TASOR2: variants seen among roughly 807,000 people sequenced by gnomAD.
TASOR2 encodes transcription activation suppressor family member 2, also known as protein TASOR 2.
In TASOR2, 84 loss-of-function variants were observed where a neutral mutation model predicts 199.5. The ratio of observed to expected loss-of-function variants is 0.42; its 90% CI spans 0.35 to 0.50. TASOR2 has a LOEUF of 0.50. Among genes scored for constraint, TASOR2 ranks in the 20% least tolerant of loss-of-function variants. TASOR2 has a pLI of 0.02. For missense variants in TASOR2, 2,796 were observed against 2,835.9 expected (o/e 0.99, Z 0.32); for synonymous variants, 1,103 against 1,046.6 (o/e 1.05, Z -1.04).
In TASOR2 at chr10:5,722,124, G is replaced by A. The variant is rs929294120; in HGVS notation, c.146+1154G>A. ...TCATAGTATCGTTATCATTGTGAAT[G>A]TGTTGATTTTGCTTATTGCTTTGGG... On this transcript the variant is annotated intron_variant, in intron 6 of 20. Coordinates refer to ENST00000328090, the Ensembl canonical transcript of TASOR2. This position sits in a 1 kb window ranked among gnomAD's most constrained non-coding sequence, Gnocchi z 4.0. Among the ~76,000 whole-genome samples, 1 of 152,154 alleles carries A rather than the reference G, an allele frequency of 6.6e-6. No homozygotes were observed. Among genetic ancestry groups the A allele is most frequent in the African/African-American group, 2.4e-5 (1 of 41,424 alleles).
intron 1 of TASOR2, among the ~76,000 whole-genome samples, chr10:5,692,257 A>C (rs2892072): frequency 0.031 from 4,681 of 152,240 alleles, 99 homozygotes; most frequent in South Asian, 0.082. Flanking sequence ...ATCAAACTGT[A>C]GCCGGTGAGG....
chr10:5,700,829 T>C (rs542085796), intron 1 of TASOR2, among the ~76,000 whole-genome samples: 2 of 151,974 alleles, frequency 1.3e-5, no homozygotes, highest in Non-Finnish European at 2.9e-5. Context: ...CTTGCTTGCT[T>C]GCTTGCTTCC....
rs1280340700 is a variant in TASOR2, at chr10:5,737,468, T to C, written c.1447+1922T>C. ...CCCTCTCGGGAGTTTATGGTGTGGC[T>C]GTACCTCCCCTCTCTGCGTTGTGCC... On this transcript the variant is annotated intron_variant, in intron 12 of 20. Transcript: ENST00000328090. The surrounding 1 kb of genome is among the most constrained non-coding windows in gnomAD (Gnocchi z 4.9). 6.6e-6 allele frequency among the ~76,000 whole-genome samples: 1 copy of C among 151,662 alleles called. No homozygotes were observed. The highest frequency in any genetic ancestry group is 1.5e-5 in the Non-Finnish European group (1 of 67,966).
rs1047259215 is a variant in TASOR2, at chr10:5,699,258, A to G, written c.-287-13565A>G. Among the ~76,000 whole-genome samples, 1 of 152,162 alleles carries G rather than the reference A, an allele frequency of 6.6e-6. No homozygotes were observed. Among genetic ancestry groups the G allele is most frequent in the African/African-American group, 2.4e-5 (1 of 41,452 alleles). On this transcript the variant is annotated intron_variant, in intron 1 of 20. Transcript: ENST00000328090. This position sits in a 1 kb window ranked among gnomAD's most constrained non-coding sequence, Gnocchi z 4.1. Reference sequence around the variant, plus strand: ...TGCTGTATGACTCTGTTTATAGGAAATGGTCTGGAATAGGCAAATCTGTAG... The same window carrying G: ...TGCTGTATGACTCTGTTTATAGGAAGTGGTCTGGAATAGGCAAATCTGTAG...
chr10:5,748,827 G>A lies in TASOR2; in HGVS notation c.5406G>A (p.Arg1802=), dbSNP rs760215540. 2 of 1,614,160 alleles carry A rather than the reference G, an allele frequency of 1.2e-6. No individual in the cohort carries two copies. Among genetic ancestry groups the A allele is most frequent in the South Asian group, 1.1e-5 (1 of 91,080 alleles). The stretch of plus-strand genomic sequence containing the variant: ...TTGAGAACAGTGGGGAGGGGCTCAG[G>A]GCTGAGGCTGGTTCTGAAACCCTAG... The change falls in exon 15 of 21, where the codon AGG becomes AGA. Residue 1802 remains arginine (R), a synonymous_variant. Transcript: ENST00000328090. The surrounding 1 kb of genome is among the most constrained non-coding windows in gnomAD (Gnocchi z 5.1).
chr10:5,690,620 A>G lies in TASOR2; in HGVS notation c.-288+5445A>G, dbSNP rs1047246554. Among the ~76,000 whole-genome samples, 3 of 152,248 alleles carry G rather than the reference A, an allele frequency of 2.0e-5. No homozygotes were observed. The highest frequency in any genetic ancestry group is 2.9e-5 in the Non-Finnish European group (2 of 68,040). On this transcript the variant is annotated intron_variant, in intron 1 of 20. Coordinates refer to ENST00000328090, the Ensembl canonical transcript of TASOR2. The surrounding 1 kb of genome is among the most constrained non-coding windows in gnomAD (Gnocchi z 4.8). ...TCTCTTTTGCCATATGTAATAATCA[A>G]GAGTACCCAAAAGTGGGTCTTGAAA...
rs1254164489 is a variant in TASOR2, at chr10:5,742,171, A to G, written c.2402A>G (p.Tyr801Cys). 5.6e-6 allele frequency: 9 copies of G among 1,614,196 alleles called. No individual in the cohort carries two copies. The highest frequency in any genetic ancestry group is 7.6e-6 in the Non-Finnish European group (9 of 1,180,020). Residue 801 changes from tyrosine to cysteine, a missense_variant, in exon 14 of 21, where the codon TAC becomes TGC. Tyr to Cys is a radical substitution (Grantham distance 194). Around this residue, in one of 3 missense-constraint regions of TASOR2, gnomAD observed 1,941 missense variants for 1,924.9 expected, o/e 1.01. Coordinates refer to ENST00000328090, the Ensembl canonical transcript of TASOR2. This position sits in a 1 kb window ranked among gnomAD's most constrained non-coding sequence, Gnocchi z 4.2. ...CTTCATATGTGGGTAGCTCTGTTTT[A>G]CAGCAATCAGAACAAAATCATACGA...
At chr10:5,755,696 A>G (rs1215032765) in intron 15 of TASOR2, among the ~76,000 whole-genome samples, 2 of 152,170 alleles carry the variant, frequency 1.3e-5, no homozygotes, top group African/African-American at 4.8e-5. Context: ...CAGATAGTCA[A>G]TGTCAAGGCC....
chr10:5,686,022 T>C (rs1835772411), intron 1 of TASOR2, among the ~76,000 whole-genome samples: 1 of 152,168 alleles, frequency 6.6e-6, no homozygotes, highest in Admixed American at 6.5e-5. Flanking sequence ...GCGGTAATCC[T>C]GCCTAGGAGG....
Position 5,701,415 on chromosome 10 carries a change from T to G in TASOR2, c.-287-11408T>G, listed in dbSNP as rs537389289. ...TGTGATGCCTCCAGCTTTGTTGTTT[T>G]TGCTTAGTATTGGTTTGGCTATTCA... is the stretch of plus-strand genomic sequence containing the variant. On this transcript the variant is annotated intron_variant, in intron 1 of 20. Coordinates refer to ENST00000328090, the Ensembl canonical transcript of TASOR2. This position sits in a 1 kb window ranked among gnomAD's most constrained non-coding sequence, Gnocchi z 4.9. Among the ~76,000 whole-genome samples the G allele has an allele frequency of 1.1e-4, 17 of 152,322 alleles. No individual in the cohort carries two copies. The highest frequency in any genetic ancestry group is 4.1e-4 in the African/African-American group (17 of 41,578).
Position 5,742,190 on chromosome 10 carries a change from C to T in TASOR2, c.2421C>T (p.Ile807=), listed in dbSNP as rs2131616473. 6.2e-7 allele frequency: 1 copy of T among 1,614,134 alleles called. No homozygotes were observed. Among genetic ancestry groups the T allele is most frequent in the Non-Finnish European group, 8.5e-7 (1 of 1,180,020 alleles). The change falls in exon 14 of 21, where the codon ATC becomes ATT. Residue 807 remains isoleucine (I), a synonymous_variant. Coordinates refer to ENST00000328090, the Ensembl canonical transcript of TASOR2. This position sits in a 1 kb window ranked among gnomAD's most constrained non-coding sequence, Gnocchi z 4.2. ...TGTTTTACAGCAATCAGAACAAAAT[C>T]ATACGATCTTCCCGAAAGGTTGTAG...
At position 5,750,889 on chromosome 10, in the gene TASOR2, G is replaced by C. The variant is rs1422905981; in HGVS notation, c.6606+862G>C. Among the ~76,000 whole-genome samples the C allele has an allele frequency of 6.6e-6, 1 of 152,176 alleles. No homozygotes were observed. The highest frequency in any genetic ancestry group is 1.9e-4 in the East Asian group (1 of 5,200). On this transcript the variant is annotated intron_variant, in intron 15 of 20. Transcript: ENST00000328090. This position sits in a 1 kb window ranked among gnomAD's most constrained non-coding sequence, Gnocchi z 5.4. ...CTCATCTAGGTCTAGGATCATAGGTGTCTAGAATTGTCATGTCTTCAGTCT... is the reference window on the plus strand; with the variant it reads ...CTCATCTAGGTCTAGGATCATAGGTCTCTAGAATTGTCATGTCTTCAGTCT...
At chr10:5,702,680 C>A (rs1210193920) in intron 1 of TASOR2, among the ~76,000 whole-genome samples, 2 of 106,842 alleles carry the variant, frequency 1.9e-5, no homozygotes, top group African/African-American at 7.3e-5. Context: ...AGGATAGATA[C>A]GACAGCCAAA....
intron 1 of TASOR2, among the ~76,000 whole-genome samples, chr10:5,709,301 C>A (rs1831619209): frequency 6.6e-6 from 1 of 151,878 alleles, no homozygotes; most frequent in Non-Finnish European, 1.5e-5. Context: ...TTTCTGTGTA[C>A]AAAATTTTCT....
In TASOR2 at chr10:5,685,233, C is replaced by T. The variant is rs1445714865; in HGVS notation, c.-288+58C>T. On this transcript the variant is annotated intron_variant, in intron 1 of 20. Coordinates refer to ENST00000328090, the Ensembl canonical transcript of TASOR2. The surrounding 1 kb of genome is among the most constrained non-coding windows in gnomAD (Gnocchi z 5.4). ...CCCTGCGAGGAGGACGGCGGGTCCC[C>T]GAGGCCGAGCGCTCGGGCAGCTGCC... 2.5e-6 allele frequency: 1 copy of T among 397,416 alleles called. No individual in the cohort carries two copies. The highest frequency in any genetic ancestry group is 3.6e-5 in the East Asian group (1 of 27,988). 24.6% of individuals were successfully genotyped at this position (397,416 alleles called of 1,614,324 possible). A position where few individuals can be genotyped will look rare whatever the true frequency, so the allele number is the denominator to read the frequency against.
intron 19 of TASOR2, 118 bp downstream of exon 20, chr10:5,761,589 A>G: frequency 1.2e-6 from 1 of 806,616 alleles, no homozygotes; most frequent in Non-Finnish European, 2.0e-6. Context: ...TCCCATGGAT[A>G]CCAGAATCAC....
In TASOR2 at chr10:5,724,365, A is replaced by T; in HGVS notation, c.248-65A>T. 5.5e-6 allele frequency: 4 copies of T among 733,202 alleles called. No homozygotes were observed. In the South Asian group the frequency reaches 7.3e-5, roughly 13 times the overall value. 45.4% of individuals were successfully genotyped at this position (733,202 alleles called of 1,614,324 possible). A position where few individuals can be genotyped will look rare whatever the true frequency, so the allele number is the denominator to read the frequency against. The stretch of plus-strand genomic sequence containing the variant: ...CATTTTTGCAACATATAAAATGAAC[A>T]AATTGACTGTAAGTACATAATAGCG... On this transcript the variant is annotated intron_variant, in intron 7 of 20. Coordinates refer to ENST00000328090, the Ensembl canonical transcript of TASOR2.
rs1193125612 is a variant in TASOR2 at position 5,706,966 on chromosome 10, T to A, written c.-287-5857T>A. ...TGCAGTGAACCAGAATCAAGCCACTTACGCTCCAGCCTGGGCCACGGAGCA... is the reference window on the plus strand; with the variant it reads ...TGCAGTGAACCAGAATCAAGCCACTAACGCTCCAGCCTGGGCCACGGAGCA... On this transcript the variant is annotated intron_variant, in intron 1 of 20. Transcript: ENST00000328090. The surrounding 1 kb of genome is among the most constrained non-coding windows in gnomAD (Gnocchi z 4.8). Among the ~76,000 whole-genome samples, 1 of 151,058 alleles carries A rather than the reference T, an allele frequency of 6.6e-6. No individual in the cohort carries two copies. The highest frequency in any genetic ancestry group is 1.5e-5 in the Non-Finnish European group (1 of 67,928).
intron 1 of TASOR2, among the ~76,000 whole-genome samples, chr10:5,691,165 TG>T (rs1241196662): frequency 1.0e-4 from 15 of 147,676 alleles, no homozygotes; most frequent in Admixed American, 9.7e-4. Flanking sequence ...CACTCCAGCC[TG>T]ACGACAGAGT....
Sources: gnomAD v4.1 joint callset for allele counts (sites outside exome capture counted in the v4.1 genomes callset) on GRCh38, gnomAD v4.1.1 for gene constraint, gnomAD v4.1.1 regional missense constraint, Gnocchi (gnomAD v3.1) non-coding constraint, MANE v1.5 for transcripts, NCBI Gene and HGNC (gene_info 2026-07-23, HGNC 2026-07-21) for gene names.